Variants in CTDP1 observed in about 807,000 individuals in gnomAD.
The protein encoded by CTDP1 is CTD phosphatase 1, also known as RNA polymerase II subunit A C-terminal domain phosphatase.
CTDP1 carries 47 observed loss-of-function variants against 91.8 expected under a neutral mutation model. The ratio of observed to expected loss-of-function variants is 0.51; its 90% confidence interval spans 0.41 to 0.65. The LOEUF (loss-of-function observed/expected upper bound fraction) is 0.65. Ranked by LOEUF, CTDP1 falls within the 30% of genes least tolerant of loss-of-function variation. The pLI is 0.00. For missense variants in CTDP1, 1,272 were observed against 1,373.7 expected (o/e 0.93, Z 1.17); for synonymous variants, 656 against 598.5 (o/e 1.10, Z -1.40).
At chr18:79,726,402 T>C (rs1483332996) in intron 10 of CTDP1, among the ~76,000 whole-genome samples, 1 of 152,210 alleles carries the variant, frequency 6.6e-6, no homozygotes. Context: ...TCTTGAAGCA[T>C]TTTTATCATG....
Position 79,704,789 on chromosome 18 carries a change from G to C in CTDP1, c.644G>C (p.Gly215Ala). Residue 215 changes from glycine to alanine, a missense_variant, in exon 5 of 13, where the codon GGC (glycine) becomes GCC (alanine). Transcript: ENST00000613122. ...SNKGIFHFQL[G>A]RGEPMLHTRL... ...TAGGGCATCTTTCACTTCCAGCTGG[G>C]CCGGGGTGAGCCCATGCTGCACACG... 1.2e-6 allele frequency: 2 copies of C among 1,613,896 alleles called. No homozygotes were observed. Among genetic ancestry groups the C allele is most frequent in the Non-Finnish European group, 1.7e-6 (2 of 1,180,042 alleles).
intron 5 of CTDP1, among the ~76,000 whole-genome samples, chr18:79,706,695 A>G (rs1385084430): frequency 6.6e-6 from 1 of 152,112 alleles, no homozygotes; most frequent in African/African-American, 2.4e-5. Flanking sequence ...TTTATGTAAG[A>G]TTTTTTTCCC....
At chr18:79,677,992 C>T (rs918177913), upstream of CTDP1, 4 of 152,186 alleles carry the variant, frequency 2.6e-5, no homozygotes, top group Non-Finnish European at 5.9e-5. Context: ...CTCTCGTGAG[C>T]ACCGCACGTT....
At chr18:79,751,153 G>A in intron 12 of CTDP1, among the ~76,000 whole-genome samples, 1 of 133,438 alleles carries the variant, frequency 7.5e-6, no homozygotes, top group Non-Finnish European at 1.6e-5. Flanking sequence ...GCCGGGGAGG[G>A]AGGGGCTGGG....
rs555869792 is a variant in CTDP1, at chr18:79,716,824, T to C, written c.2069-711T>C. On this transcript the variant is annotated intron_variant, in intron 8 of 12. Coordinates refer to ENST00000613122, the MANE Select transcript of CTDP1 (RefSeq NM_004715.5). The stretch of plus-strand genomic sequence containing the variant: ...TGGCCTCACTGTTGAGAGGCTTTGC[T>C]GAACACATGCTAAGAGAGGTCCTCC... Among the ~76,000 whole-genome samples the C allele has an allele frequency of 2.2e-3, 336 of 152,396 alleles. 2 individuals are homozygous for C. Among genetic ancestry groups the C allele is most frequent in the African/African-American group, 7.6e-3 (317 of 41,606 alleles).
intron 12 of CTDP1, among the ~76,000 whole-genome samples, 192 bp from the exon 13 acceptor site, chr18:79,753,457 TCTC>T (rs1407233138): frequency 2.0e-5 from 3 of 152,188 alleles, no homozygotes; most frequent in Non-Finnish European, 2.9e-5. Context: ...TGGGGCCTCT[TCTC>T]CTGCGCTGGG....
At chr18:79,695,932 G>T (rs773608576) in intron 2 of CTDP1, 45 bp from the exon 3 acceptor site, 2 of 1,494,782 alleles carry the variant, frequency 1.3e-6, no homozygotes, top group Non-Finnish European at 1.9e-6. Flanking sequence ...GCATCTGTGC[G>T]CAGAGACTCA....
intron 10 of CTDP1, among the ~76,000 whole-genome samples, chr18:79,719,401 G>A (rs559000500): frequency 1.3e-3 from 199 of 152,080 alleles, no homozygotes; most frequent in Non-Finnish European, 2.6e-3. Context: ...TGGGACCTAG[G>A]GGGTGGGGGG....
intron 10 of CTDP1, among the ~76,000 whole-genome samples, chr18:79,728,398 C>G (rs1418378177): frequency 2.6e-5 from 4 of 152,240 alleles, no homozygotes; most frequent in Non-Finnish European, 4.4e-5. Context: ...CCGTGCTGAC[C>G]TGTGAAATGA....
chr18:79,739,771 C>T (rs1486345352), intron 12 of CTDP1, among the ~76,000 whole-genome samples: 2 of 151,462 alleles, frequency 1.3e-5, no homozygotes, highest in Non-Finnish European at 2.9e-5. Context: ...TTCATACCCG[C>T]CGCCAGGACG....
At chr18:79,720,368 A>C (rs373655561) in intron 10 of CTDP1, among the ~76,000 whole-genome samples, 1 of 141,300 alleles carries the variant, frequency 7.1e-6, no homozygotes, top group South Asian at 2.3e-4. Context: ...GTCACCTCCT[A>C]TTGTGTCCTG....
At chr18:79,735,335 C>T (rs1438991362) in intron 11 of CTDP1, among the ~76,000 whole-genome samples, 2 of 152,234 alleles carry the variant, frequency 1.3e-5, no homozygotes, top group Non-Finnish European at 1.5e-5. Context: ...GGTCAGGCCG[C>T]CCCGCCTCAC....
At chr18:79,701,774 C>A (rs147646222) in intron 4 of CTDP1, among the ~76,000 whole-genome samples, 1 of 152,086 alleles carries the variant, frequency 6.6e-6, no homozygotes, top group Non-Finnish European at 1.5e-5. Flanking sequence ...ACCCTCAGTT[C>A]GGAAGATGTT....
chr18:79,695,905 C>T (rs2085736432), intron 2 of CTDP1, 72 bp from the exon 3 acceptor site: 3 of 1,211,330 alleles, frequency 2.5e-6, no homozygotes, highest in African/African-American at 1.5e-5. Flanking sequence ...AGAATCCTGT[C>T]ACTTAGAGCC....
intron 5 of CTDP1, among the ~76,000 whole-genome samples, chr18:79,707,594 A>G (rs569822277): frequency 6.6e-6 from 1 of 152,384 alleles, no homozygotes; most frequent in South Asian, 2.1e-4. Flanking sequence ...GGCCAAAACC[A>G]GACGAAGACA....
At chr18:79,704,406 G>C (rs2242175) in intron 4 of CTDP1, among the ~76,000 whole-genome samples, 1 of 151,884 alleles carries the variant, frequency 6.6e-6, no homozygotes, top group African/African-American at 2.4e-5. Context: ...GTGGAGGGGC[G>C]TGTACACACG....
At position 79,736,387 on chromosome 18, in the gene CTDP1, C is replaced by G; in HGVS notation, c.2613C>G (p.Asp871Glu). 2 of 1,548,834 alleles carry G rather than the reference C, an allele frequency of 1.3e-6. No homozygotes were observed. Among genetic ancestry groups the G allele is most frequent in the Non-Finnish European group, 1.7e-6 (2 of 1,146,478 alleles). Residue 871 changes from aspartate to glutamate, a missense_variant, in exon 12 of 13, where the codon GAC (aspartate) becomes GAG (glutamate). By Grantham distance (45) the Asp-to-Glu change is conservative (BLOSUM62 2). Coordinates refer to ENST00000613122, the MANE Select transcript of CTDP1 (RefSeq NM_004715.5). ...ACATCCTTGGAGAAGGCAGCGACGA[C>G]AGCGACAGCGAGAAGAGGAGGCCTG... ...VDDILGEGSD[D>E]SDSEKRRPEE... is the part of the protein sequence containing the mutation.
At chr18:79,700,377 C>A (rs1226949956) in intron 4 of CTDP1, among the ~76,000 whole-genome samples, 1 of 152,254 alleles carries the variant, frequency 6.6e-6, no homozygotes, top group Non-Finnish European at 1.5e-5. Context: ...AATACTACTT[C>A]AGTGAACACA....
chr18:79,689,449 A>G (rs1184093605), intron 1 of CTDP1, among the ~76,000 whole-genome samples: 1 of 152,132 alleles, frequency 6.6e-6, no homozygotes, highest in Non-Finnish European at 1.5e-5. Context: ...GGTGTTCTCA[A>G]TTCCAGCATT....
Sources: gnomAD v4.1 joint callset for allele counts (sites outside exome capture counted in the v4.1 genomes callset) on GRCh38, gnomAD v4.1.1 for gene constraint, MANE v1.5 for transcripts, NCBI Gene and HGNC (gene_info 2026-07-23, HGNC 2026-07-21) for gene names.